Variants in C1QTNF3 observed in about 807,000 individuals in gnomAD.
C1QTNF3 encodes the protein C1q and TNF related 3.
A neutral mutation model predicts 32.6 loss-of-function variants in C1QTNF3; 26 were observed. The ratio of observed to expected loss-of-function variants is 0.80; its 90% confidence interval spans 0.58 to 1.11. C1QTNF3 has a LOEUF of 1.11. Ranked by LOEUF, C1QTNF3 falls within the 50% of genes least tolerant of loss-of-function variation. The pLI, the probability that C1QTNF3 is intolerant of heterozygous loss-of-function variation, is 0.00. For missense variants in C1QTNF3, 362 were observed against 398.2 expected (o/e 0.91, Z 0.77); for synonymous variants, 155 against 146.0 (o/e 1.06, Z -0.44).
At chr5:34,103,162 T>C in the C1QTNF3 span, among the ~76,000 whole-genome samples, 1 of 152,196 alleles carries the variant, frequency 6.6e-6, no homozygotes, top group East Asian at 1.9e-4. Context: ...ATAGGGACAA[T>C]TAAAATTTTT....
the C1QTNF3 span, among the ~76,000 whole-genome samples, chr5:34,159,316 G>GT: frequency 5.9e-5 from 9 of 151,966 alleles, no homozygotes; most frequent in African/African-American, 1.9e-4. Context: ...AATGAGAGAT[G>GT]TTTTTTCCAA....
the C1QTNF3 span, among the ~76,000 whole-genome samples, chr5:34,197,710 T>C: frequency 1.3e-5 from 2 of 152,048 alleles, no homozygotes; most frequent in South Asian, 4.2e-4. Context: ...TTAACTTGTG[T>C]TGGAAGGTCC....
At chr5:34,225,671 T>G in the C1QTNF3 span, among the ~76,000 whole-genome samples, 1 of 151,806 alleles carries the variant, frequency 6.6e-6, no homozygotes, top group Non-Finnish European at 1.5e-5. Flanking sequence ...TAAATTTTTT[T>G]TTAGAAATTC....
chr5:34,133,583 G>A, the C1QTNF3 span, among the ~76,000 whole-genome samples: 1 of 152,202 alleles, frequency 6.6e-6, no homozygotes, highest in African/African-American at 2.4e-5. Flanking sequence ...ATTCCAGAAT[G>A]TGTCTGAGAG....
the C1QTNF3 span, among the ~76,000 whole-genome samples, chr5:34,156,113 C>A: frequency 1.4e-3 from 209 of 152,312 alleles, 1 homozygote; most frequent in Non-Finnish European, 2.2e-3. Context: ...CTGTGCCACC[C>A]AGGCTGGAGT....
the C1QTNF3 span, among the ~76,000 whole-genome samples, chr5:34,108,479 A>G: frequency 6.6e-6 from 1 of 152,098 alleles, no homozygotes; most frequent in Non-Finnish European, 1.5e-5. Flanking sequence ...ATCTTCAGAA[A>G]ATTGGTAAAA....
At chr5:34,214,129 G>C in the C1QTNF3 span, among the ~76,000 whole-genome samples, 2 of 151,544 alleles carry the variant, frequency 1.3e-5, no homozygotes, top group African/African-American at 4.8e-5. Context: ...AAATCTTATA[G>C]AAATATTTAA....
chr5:34,115,141 A>T, the C1QTNF3 span, among the ~76,000 whole-genome samples: 48 of 152,210 alleles, frequency 3.2e-4, no homozygotes, highest in East Asian at 7.3e-3. Flanking sequence ...TAGGTGGAGA[A>T]TTATTTTCTG....
the C1QTNF3 span, among the ~76,000 whole-genome samples, chr5:34,197,667 T>C: frequency 3.9e-5 from 6 of 152,154 alleles, no homozygotes; most frequent in African/African-American, 7.2e-5. Context: ...GTTGCTGTCA[T>C]GTTGTTGACC....
chr5:34,060,553 T>C, the C1QTNF3 span, among the ~76,000 whole-genome samples: 14 of 152,266 alleles, frequency 9.2e-5, no homozygotes, highest in African/African-American at 3.1e-4. Flanking sequence ...GGGCAATTTA[T>C]AAAAGAAAGA....
rs769321574 is a variant in C1QTNF3 at position 34,043,092 on chromosome 5, G to A, written c.34C>T (p.Leu12=). ...LWRQLIYWQL[L]ALFFLPFCLC... is the part of the protein sequence containing the mutation. ...CAAAAAGGGAGGAAAAACAAAGCCA[G>A]CAGTTGCCAATAGATGAGCTGCCTC... The change falls in exon 1 of 6, where the codon CTG becomes TTG. Residue 12 remains leucine, a synonymous_variant. Coordinates refer to ENST00000382065, the MANE Select transcript of C1QTNF3 (RefSeq NM_181435.6). 7.4e-6 allele frequency: 12 copies of A among 1,613,586 alleles called. No homozygotes were observed. The South Asian group carries it at 1.3e-4, about 18-fold the overall frequency.
At chr5:34,081,662 G>GAA in the C1QTNF3 span, among the ~76,000 whole-genome samples, 1 of 145,316 alleles carries the variant, frequency 6.9e-6, no homozygotes. Context: ...AAAGTAGAAA[G>GAA]AAAAAAAAAA....
the C1QTNF3 span, among the ~76,000 whole-genome samples, chr5:34,216,621 T>A: frequency 6.6e-6 from 1 of 152,204 alleles, no homozygotes; most frequent in African/African-American, 2.4e-5. Context: ...CTCAACCTAA[T>A]CTCTAGAGGA....
chr5:34,049,042 T>C, the C1QTNF3 span, among the ~76,000 whole-genome samples: 6 of 148,682 alleles, frequency 4.0e-5, no homozygotes, highest in South Asian at 2.3e-4. Context: ...ATTCCTTATA[T>C]AAAAGCTTTC....
At chr5:34,052,147 T>G in the C1QTNF3 span, among the ~76,000 whole-genome samples, 1 of 152,040 alleles carries the variant, frequency 6.6e-6, no homozygotes, top group East Asian at 1.9e-4. Flanking sequence ...TAAAAAAAAA[T>G]GTACTCCAAG....
chr5:34,133,179 C>T, the C1QTNF3 span, among the ~76,000 whole-genome samples: 1 of 152,168 alleles, frequency 6.6e-6, no homozygotes, highest in Non-Finnish European at 1.5e-5. Flanking sequence ...CGTGTTAAAT[C>T]TTCTACCTTC....
At chr5:34,088,664 T>G in the C1QTNF3 span, among the ~76,000 whole-genome samples, 1 of 152,106 alleles carries the variant, frequency 6.6e-6, no homozygotes, top group Non-Finnish European at 1.5e-5. Flanking sequence ...ACTGGGTGCT[T>G]TTTTGCTTTT....
the C1QTNF3 span, among the ~76,000 whole-genome samples, chr5:34,060,214 G>A: frequency 1.3e-5 from 2 of 152,204 alleles, no homozygotes; most frequent in Admixed American, 1.3e-4. Context: ...GTCATGTGTT[G>A]CTTAATGATG....
chr5:34,227,645 A>G, the C1QTNF3 span, among the ~76,000 whole-genome samples: 1 of 151,942 alleles, frequency 6.6e-6, no homozygotes, highest in Non-Finnish European at 1.5e-5. Flanking sequence ...AGTCAACTAT[A>G]TATTATAATT....
Sources: allele counts gnomAD v4.1 joint callset (sites outside exome capture counted in the v4.1 genomes callset), GRCh38; gene constraint gnomAD v4.1.1; transcripts MANE v1.5; gene names NCBI Gene and HGNC (gene_info 2026-07-23, HGNC 2026-07-21).